The following KCNQ1 variants were observed in gnomAD, a reference collection of about 807,000 sequenced individuals.
KCNQ1 encodes potassium voltage-gated channel subfamily Q member 1.
Under a neutral mutation model 72.4 loss-of-function variants are expected in KCNQ1, and 49 were observed. The ratio of observed to expected loss-of-function variants is 0.68; its 90% CI spans 0.54 to 0.86. The LOEUF (loss-of-function observed/expected upper bound fraction) is 0.86, where lower values mean the gene tolerates loss of function less well. Among genes scored for constraint, KCNQ1 ranks in the 40% least tolerant of loss-of-function variants. KCNQ1 has a pLI of 0.00. For missense variants in KCNQ1, 790 were observed against 945.1 expected (o/e 0.84, Z 2.15); for synonymous variants, 450 against 412.6 (o/e 1.09, Z -1.10).
chr11:2,644,506 A>C (rs1015294790), intron 10 of KCNQ1: 2 of 398,218 alleles, frequency 5.0e-6, no homozygotes, highest in African/African-American at 4.1e-5. Flanking sequence ...TGTATAGTCT[A>C]TCAGATCTTC....
At chr11:2,730,310 C>G (rs1430482378) in intron 11 of KCNQ1, among the ~76,000 whole-genome samples, 1 of 152,228 alleles carries the variant, frequency 6.6e-6, no homozygotes, top group Non-Finnish European at 1.5e-5. Context: ...TTCCCACAAA[C>G]TTAGTGGCTT....
chr11:2,627,508 T>TTCAA lies in KCNQ1; in HGVS notation c.1394-34452_1394-34449dup. ...CCCTTCTACTCTCCGTTTCTCTGAGTTCAAGCTTTTTAGAATTCCATATGT... is the reference window on the plus strand; with the variant it reads ...CCCTTCTACTCTCCGTTTCTCTGAGTTCAATCAAGCTTTTTAGAATTCCATATGT... On this transcript the variant is annotated intron_variant, in intron 10 of 15. Coordinates refer to ENST00000155840, the MANE Select transcript of KCNQ1 (RefSeq NM_000218.3). The surrounding 1 kb of genome is among the most constrained non-coding windows in gnomAD (Gnocchi z 4.9). 1 of 398,530 alleles carries TTCAA rather than the reference T, an allele frequency of 2.5e-6. No homozygotes were observed. The highest frequency in any genetic ancestry group is 4.4e-6 in the Non-Finnish European group (1 of 226,050). 24.7% of individuals were successfully genotyped at this position (398,530 alleles called of 1,614,324 possible). A position where few individuals can be genotyped will look rare whatever the true frequency, so the allele number is the denominator to read the frequency against.
chr11:2,490,037 C>A (rs1260185479), intron 1 of KCNQ1, among the ~76,000 whole-genome samples: 1 of 152,212 alleles, frequency 6.6e-6, no homozygotes, highest in Non-Finnish European at 1.5e-5. Context: ...GAAGGGAGCC[C>A]ACTGACCTGA....
chr11:2,578,304 G>A (rs114925988), intron 6 of KCNQ1, among the ~76,000 whole-genome samples: 2,098 of 152,310 alleles, frequency 0.014, 45 homozygotes, highest in African/African-American at 0.047. Flanking sequence ...TCAGAGCCAC[G>A]GTGCCAGCCC....
Position 2,711,495 on chromosome 11 carries a change from C to T in KCNQ1, c.1514+49414C>T, listed in dbSNP as rs1851005440. ...ACTGAGCCACCATCTTATCCAAGTG[C>T]TCTGTGGCAGCTTGTGGAATCTTCT... On this transcript the variant is annotated intron_variant, in intron 11 of 15. Transcript: ENST00000155840. The surrounding 1 kb of genome is among the most constrained non-coding windows in gnomAD (Gnocchi z 5.4). Among the ~76,000 whole-genome samples, 1 of 152,202 alleles carries T rather than the reference C, an allele frequency of 6.6e-6. No homozygotes were observed. The highest frequency in any genetic ancestry group is 1.9e-4 in the East Asian group (1 of 5,182).
At position 2,477,308 on chromosome 11, in the gene KCNQ1, A is replaced by G. The variant is rs1364636586; in HGVS notation, c.386+31824A>G. ...ATGTTTGAACAATTTTTAATGTGGG[A>G]TCAAAGGTAGGAAATGCTCTTTACA... is the stretch of plus-strand genomic sequence containing the variant. On this transcript the variant is annotated intron_variant, in intron 1 of 15. Transcript: ENST00000155840. This position sits in a 1 kb window ranked among gnomAD's most constrained non-coding sequence, Gnocchi z 5.0. 6.6e-6 allele frequency among the ~76,000 whole-genome samples: 1 copy of G among 152,176 alleles called. No homozygotes were observed. Among genetic ancestry groups the G allele is most frequent in the Non-Finnish European group, 1.5e-5 (1 of 68,038 alleles).
At chr11:2,616,865 G>A (rs1849073842) in intron 10 of KCNQ1, 1 of 398,080 alleles carries the variant, frequency 2.5e-6, no homozygotes, top group South Asian at 1.3e-4. Flanking sequence ...GTTGGGTGGA[G>A]TGTCCATATA....
chr11:2,831,759 CT>C (rs1220579894), intron 15 of KCNQ1, among the ~76,000 whole-genome samples: 1 of 150,780 alleles, frequency 6.6e-6, no homozygotes, highest in African/African-American at 2.4e-5. Context: ...CCGTTGCCCC[CT>C]CCTCCCTCCC....
Position 2,445,025 on chromosome 11 carries a change from C to T in KCNQ1, c.-74C>T, listed in dbSNP as rs1027279374. 1.2e-5 allele frequency: 12 copies of T among 993,430 alleles called. No individual in the cohort carries two copies. The highest frequency in any genetic ancestry group is 4.8e-4 in the Middle Eastern group (1 of 2,062). The allele number at this position is 993,430 out of a possible 1,614,324, so 61.5% of individuals were successfully genotyped here. A position where few individuals can be genotyped will look rare whatever the true frequency, so the allele number is the denominator to read the frequency against. On this transcript the variant is annotated 5_prime_UTR_variant, in exon 1 of 16. Coordinates refer to ENST00000155840, the MANE Select transcript of KCNQ1 (RefSeq NM_000218.3). ...CTGGCAGCAGTGGCTGCCCGCACTGCGCCCGGGCGCTCGCCTTCGCTGCAG... is the reference window on the plus strand; with the variant it reads ...CTGGCAGCAGTGGCTGCCCGCACTGTGCCCGGGCGCTCGCCTTCGCTGCAG...
At position 2,785,451 on chromosome 11, in the gene KCNQ1, G is replaced by T; in HGVS notation, c.1794+7414G>T. On this transcript the variant is annotated intron_variant, in intron 15 of 15. Coordinates refer to ENST00000155840, the MANE Select transcript of KCNQ1 (RefSeq NM_000218.3). This position sits in a 1 kb window ranked among gnomAD's most constrained non-coding sequence, Gnocchi z 4.4. ...AAAGCTGATTGAAAGAAAAAAAAAA[G>T]AATGTACTTTATATTCATAAAGGAT... Among the ~76,000 whole-genome samples the T allele has an allele frequency of 6.6e-6, 1 of 151,546 alleles. No individual in the cohort carries two copies. Among genetic ancestry groups the T allele is most frequent in the Non-Finnish European group, 1.5e-5 (1 of 67,730 alleles).
chr11:2,640,454 T>G, intron 10 of KCNQ1: 1 of 398,502 alleles, frequency 2.5e-6, no homozygotes, highest in East Asian at 3.6e-5. Flanking sequence ...CCTGGATAAC[T>G]TCTTAATTTT....
In KCNQ1 at chr11:2,482,068, A is replaced by T. The variant is rs1426875677; in HGVS notation, c.386+36584A>T. On this transcript the variant is annotated intron_variant, in intron 1 of 15. Coordinates refer to ENST00000155840, the MANE Select transcript of KCNQ1 (RefSeq NM_000218.3). The surrounding 1 kb of genome is among the most constrained non-coding windows in gnomAD (Gnocchi z 5.7). ...TGTGCCTCAGTTTCTTCATCTCTGA[A>T]ACGGGAACGATGGGAGCCCTCACCT... 6.6e-6 allele frequency among the ~76,000 whole-genome samples: 1 copy of T among 152,060 alleles called. No homozygotes were observed. Among genetic ancestry groups the T allele is most frequent in the Admixed American group, 6.6e-5 (1 of 15,260 alleles).
In KCNQ1 at chr11:2,745,938, G is replaced by A. The variant is rs2133957429; in HGVS notation, c.1515-22906G>A. On this transcript the variant is annotated intron_variant, in intron 11 of 15. Transcript: ENST00000155840. This position sits in a 1 kb window ranked among gnomAD's most constrained non-coding sequence, Gnocchi z 6.2. Reference sequence around the variant, plus strand: ...GGAGTCTCATTCTGTCACCCAGGCTGGAGTGCAGTGGTGCGATCTCGGCTC... The same window carrying A: ...GGAGTCTCATTCTGTCACCCAGGCTAGAGTGCAGTGGTGCGATCTCGGCTC... Among the ~76,000 whole-genome samples the A allele has an allele frequency of 6.6e-6, 1 of 152,340 alleles. No homozygotes were observed. The highest frequency in any genetic ancestry group is 2.4e-5 in the African/African-American group (1 of 41,570).
intron 11 of KCNQ1, among the ~76,000 whole-genome samples, chr11:2,727,917 GC>G (rs1265092626): frequency 6.6e-6 from 1 of 152,070 alleles, no homozygotes; most frequent in Non-Finnish European, 1.5e-5. Flanking sequence ...GCATCTGATG[GC>G]CCCCGGGGCC....
At chr11:2,740,038 G>A (rs988194750) in intron 11 of KCNQ1, among the ~76,000 whole-genome samples, 1 of 152,256 alleles carries the variant, frequency 6.6e-6, no homozygotes, top group Non-Finnish European at 1.5e-5. Context: ...GGTCCCCGTG[G>A]CTTCACCCTG....
intron 10 of KCNQ1, chr11:2,618,574 G>A (rs1033230401): frequency 1.0e-5 from 4 of 398,372 alleles, no homozygotes; most frequent in African/African-American, 2.1e-5. Context: ...TGTTTTTTAT[G>A]CCAGGACCAT....
At chr11:2,834,187 G>A (rs1365294026) in intron 15 of KCNQ1, among the ~76,000 whole-genome samples, 1 of 152,192 alleles carries the variant, frequency 6.6e-6, no homozygotes, top group Non-Finnish European at 1.5e-5. Context: ...TGTGGCACAT[G>A]GCATGGCTGG....
intron 1 of KCNQ1, among the ~76,000 whole-genome samples, chr11:2,518,300 C>T (rs1011454769): frequency 7.9e-5 from 12 of 152,200 alleles, no homozygotes; most frequent in African/African-American, 2.7e-4. Flanking sequence ...AGGGCCTCCG[C>T]AGAAGGAGGG....
At chr11:2,650,325 T>C (rs1033764771) in intron 10 of KCNQ1, 7 of 398,456 alleles carry the variant, frequency 1.8e-5, no homozygotes, top group Non-Finnish European at 3.1e-5. Context: ...CTTGTTTTTT[T>C]CCCCCCAAGT....
Sources: gnomAD v4.1 joint callset for allele counts (sites outside exome capture counted in the v4.1 genomes callset) on GRCh38, gnomAD v4.1.1 for gene constraint, Gnocchi (gnomAD v3.1) non-coding constraint, MANE v1.5 for transcripts, NCBI Gene and HGNC (gene_info 2026-07-23, HGNC 2026-07-21) for gene names.